Variants in ARHGAP15 observed in about 807,000 individuals in gnomAD.
The protein encoded by ARHGAP15 is rho GTPase-activating protein 15.
A neutral mutation model predicts 63.7 loss-of-function variants in ARHGAP15; 51 were observed. The ratio of observed to expected loss-of-function variants is 0.80; its 90% CI spans 0.64 to 1.01. The LOEUF (loss-of-function observed/expected upper bound fraction) is 1.01. Among genes scored for constraint, ARHGAP15 ranks in the 50% least tolerant of loss-of-function variants. The probability of loss-of-function intolerance (pLI) is 0.00; values close to 1 mark genes in which losing one functional copy is unlikely to be tolerated. For synonymous variants in ARHGAP15, 191 were observed against 193.8 expected, an observed-to-expected ratio of 0.99 and a Z score of 0.12; for missense variants, 560 against 564.6, an observed-to-expected ratio of 0.99 and a Z score of 0.08.
chr2:143,476,330 G>C (rs1001252822), intron 8 of ARHGAP15, among the ~76,000 whole-genome samples: 3 of 152,206 alleles, frequency 2.0e-5, no homozygotes, highest in African/African-American at 7.2e-5. Flanking sequence ...GGTATTGTGA[G>C]AATGCTCTTT....
At chr2:143,465,766 T>C (rs1691173299) in intron 8 of ARHGAP15, among the ~76,000 whole-genome samples, 1 of 152,122 alleles carries the variant, frequency 6.6e-6, no homozygotes, top group South Asian at 2.1e-4. Context: ...AAAAATCAAC[T>C]AAAGTTTACC....
chr2:143,654,689 GA>G (rs1348720685), intron 12 of ARHGAP15, among the ~76,000 whole-genome samples: 1 of 152,140 alleles, frequency 6.6e-6, no homozygotes, highest in African/African-American at 2.4e-5. Context: ...TCACCGTTTT[GA>G]ACTGTCAGTC....
intron 6 of ARHGAP15, among the ~76,000 whole-genome samples, chr2:143,374,276 T>C (rs1382212818): frequency 1.3e-5 from 2 of 152,124 alleles, no homozygotes; most frequent in Non-Finnish European, 2.9e-5. Context: ...TGGGATATTG[T>C]CACTGGAATG....
intron 8 of ARHGAP15, among the ~76,000 whole-genome samples, chr2:143,471,208 GTATATATACACACACATGTGTA>G (rs1558994069): frequency 8.9e-5 from 13 of 146,040 alleles, no homozygotes; most frequent in Non-Finnish European, 1.4e-4. Context: ...ATATATGTGT[GTATATATACACACACATGTGTA>G]TGTGTATATG....
At chr2:143,400,316 T>C (rs560273363) in intron 6 of ARHGAP15, among the ~76,000 whole-genome samples, 1 of 152,168 alleles carries the variant, frequency 6.6e-6, no homozygotes, top group African/African-American at 2.4e-5. Flanking sequence ...TTTTAGGTGG[T>C]GGCTCTACAG....
chr2:143,389,106 CATT>C (rs10548238), intron 6 of ARHGAP15, among the ~76,000 whole-genome samples: 50,771 of 145,858 alleles, frequency 0.35, 9,832 homozygotes, highest in Admixed American at 0.46. Flanking sequence ...TTTACTCAGA[CATT>C]ATTATTATTA....
intron 8 of ARHGAP15, among the ~76,000 whole-genome samples, chr2:143,453,799 GA>G (rs34233596): frequency 0.13 from 18,578 of 140,116 alleles, 1,601 homozygotes; most frequent in East Asian, 0.48. Flanking sequence ...TATCCAATCG[GA>G]AAAAAAAAAA....
intron 12 of ARHGAP15, among the ~76,000 whole-genome samples, chr2:143,643,506 A>G (rs1232046136): frequency 6.8e-6 from 1 of 146,160 alleles, no homozygotes; most frequent in Non-Finnish European, 1.5e-5. Context: ...ATCACCTCGG[A>G]TCATGTTAGA....
At chr2:143,414,102 CAAA>C (rs1327968867) in intron 6 of ARHGAP15, among the ~76,000 whole-genome samples, 2 of 150,230 alleles carry the variant, frequency 1.3e-5, no homozygotes, top group Non-Finnish European at 3.0e-5. Flanking sequence ...ATTTAGGAAA[CAAA>C]AAATATATAT....
At chr2:143,501,262 A>C (rs1253235198) in intron 9 of ARHGAP15, among the ~76,000 whole-genome samples, 1 of 152,252 alleles carries the variant, frequency 6.6e-6, no homozygotes, top group Non-Finnish European at 1.5e-5. Context: ...TGGACAGTGA[A>C]ATACGATGTT....
chr2:143,394,875 G>A (rs1193839905), intron 6 of ARHGAP15, among the ~76,000 whole-genome samples: 1 of 152,028 alleles, frequency 6.6e-6, no homozygotes, highest in Non-Finnish European at 1.5e-5. Context: ...TATGTCTTAT[G>A]AGGAGGAGAA....
At chr2:143,609,684 C>T (rs185575509) in intron 11 of ARHGAP15, among the ~76,000 whole-genome samples, 17 of 152,062 alleles carry the variant, frequency 1.1e-4, no homozygotes, top group African/African-American at 2.9e-4. Context: ...CTTCTCTTTG[C>T]CCCCCCACCT....
chr2:143,305,838 G>T (rs866359293), intron 6 of ARHGAP15, among the ~76,000 whole-genome samples: 1 of 152,024 alleles, frequency 6.6e-6, no homozygotes, highest in Non-Finnish European at 1.5e-5. Context: ...TTTAGCAACT[G>T]TTGTAAACAA....
Position 143,437,034 on chromosome 2 carries a change from A to C in ARHGAP15, c.695A>C (p.Lys232Thr). The C allele has an allele frequency of 1.9e-6, 3 of 1,598,776 alleles. No individual in the cohort carries two copies. Among genetic ancestry groups the C allele is most frequent in the Non-Finnish European group, 2.6e-6 (3 of 1,176,010 alleles). The change falls in exon 8 of 14, where the codon AAA becomes ACA. Residue 232 changes from lysine to threonine, a missense_variant. Coordinates refer to ENST00000295095, the MANE Select transcript of ARHGAP15 (RefSeq NM_018460.4). ...AAAGAACAGAAACCAGAGCACAGAA[A>C]ATCTTTAAGTGAGTATTTTCTTTGA... is the stretch of plus-strand genomic sequence containing the variant. ...DIKEQKPEHR[K>T]SLMFRLHHSA... is the part of the protein sequence containing the mutation.
chr2:143,477,711 GA>G (rs1277185954), intron 8 of ARHGAP15, among the ~76,000 whole-genome samples: 9 of 151,720 alleles, frequency 5.9e-5, no homozygotes, highest in Admixed American at 2.6e-4. Flanking sequence ...GAACACACTT[GA>G]AAAAAAGGAA....
chr2:143,613,308 C>G (rs1206725782), intron 11 of ARHGAP15, among the ~76,000 whole-genome samples: 2 of 152,096 alleles, frequency 1.3e-5, no homozygotes, highest in African/African-American at 2.4e-5. Flanking sequence ...ATTAAAATGA[C>G]TTCAAATTGG....
At chr2:143,349,256 A>T (rs559893232) in intron 6 of ARHGAP15, among the ~76,000 whole-genome samples, 1 of 152,194 alleles carries the variant, frequency 6.6e-6, no homozygotes, top group Non-Finnish European at 1.5e-5. Flanking sequence ...GAGAGGATAA[A>T]AGGGACTGCT....
chr2:143,131,283 G>A (rs1688906687), intron 1 of ARHGAP15, among the ~76,000 whole-genome samples: 1 of 152,166 alleles, frequency 6.6e-6, no homozygotes, highest in Non-Finnish European at 1.5e-5. Context: ...TTTTAAGACA[G>A]TTAATTGCAA....
At chr2:143,267,506 T>TG (rs1681055761) in intron 6 of ARHGAP15, among the ~76,000 whole-genome samples, 1 of 152,174 alleles carries the variant, frequency 6.6e-6, no homozygotes, top group African/African-American at 2.4e-5. Context: ...CCAAGGCAGA[T>TG]GCATAAATTA....
Sources: gnomAD v4.1 joint callset for allele counts (sites outside exome capture counted in the v4.1 genomes callset) on GRCh38, gnomAD v4.1.1 for gene constraint, MANE v1.5 for transcripts, NCBI Gene and HGNC (gene_info 2026-07-23, HGNC 2026-07-21) for gene names.